Variants in COPA observed in about 807,000 individuals in gnomAD.
The protein encoded by COPA is coatomer subunit alpha.
A neutral mutation model predicts 158.7 loss-of-function variants in COPA; 10 were observed. The observed-to-expected ratio is 0.06, with a 90% confidence interval of 0.04 to 0.11. The LOEUF is 0.11. Ranked by LOEUF, COPA falls within the 10% of genes least tolerant of loss-of-function variation. COPA has a pLI of 1.00. For synonymous variants in COPA, 462 were observed against 542.8 expected, an observed-to-expected ratio of 0.85 and a Z score of 2.07; for missense variants, 1,065 against 1,536.7, an observed-to-expected ratio of 0.69 and a Z score of 5.13.
intron 3 of COPA, among the ~76,000 whole-genome samples, chr1:160,336,807 A>C (rs1647784676): frequency 6.6e-6 from 1 of 152,160 alleles, no homozygotes; most frequent in African/African-American, 2.4e-5. Context: ...AAATTATAAA[A>C]ATTTCATTTC....
At position 160,294,551 on chromosome 1, in the gene COPA, A is replaced by G; in HGVS notation, c.2609T>C (p.Leu870Pro). 1 of 1,614,208 alleles carries G rather than the reference A, an allele frequency of 6.2e-7. No individual in the cohort carries two copies. The highest frequency in any genetic ancestry group is 1.3e-5 in the African/African-American group (1 of 75,052). Reference sequence around the variant, plus strand: ...ACCTCCTTCTTCCTGTCCCTTGCCAAGAGCATCATCCCCCAAACCTTCTGT... The same window carrying G: ...ACCTCCTTCTTCCTGTCCCTTGCCAGGAGCATCATCCCCCAAACCTTCTGT... ...EATEGLGDDA[L>P]GKGQEEGGGW... Residue 870 changes from leucine to proline, a missense_variant, in exon 25 of 33, where the codon CTT (leucine) becomes CCT (proline). Leu to Pro is a moderately conservative substitution (Grantham distance 98). This residue lies in a region of COPA where 980 missense variants were observed against 1,357.8 expected (regional missense o/e 0.72). Transcript: ENST00000241704.
At chr1:160,312,954 T>G (rs1450872659) in intron 10 of COPA, 131 bp downstream of exon 10, 9 of 743,462 alleles carry the variant, frequency 1.2e-5, no homozygotes, top group South Asian at 4.0e-5. Context: ...AAGCTTCAAC[T>G]AAGTGGCTCT....
At chr1:160,292,987 GC>G (rs1658289560) in intron 27 of COPA, among the ~76,000 whole-genome samples, 178 bp downstream of exon 27, 1 of 152,140 alleles carries the variant, frequency 6.6e-6, no homozygotes, top group Non-Finnish European at 1.5e-5. Flanking sequence ...AGATTACTAG[GC>G]CAAGTGGAAG....
Position 160,313,137 on chromosome 1 carries a change from A to G in COPA, c.873T>C (p.His291=), listed in dbSNP as rs967404182. 1.9e-5 allele frequency: 30 copies of G among 1,614,066 alleles called. No individual in the cohort carries two copies. Among genetic ancestry groups the G allele is most frequent in the Non-Finnish European group, 2.5e-5 (29 of 1,180,020 alleles). ...RTGVQTFRRD[H]DRFWVLAAHP... ...GAGCAGCTAGGACCCAGAAACGATC[A>G]TGGTCTCTGCGGAAAGTCTGAACCC... The change falls in exon 10 of 33, where the codon CAT becomes CAC. Residue 291 remains histidine (H), a synonymous_variant. Coordinates refer to ENST00000241704, the MANE Select transcript of COPA (RefSeq NM_004371.4).
chr1:160,327,774 C>G (rs1384172628), intron 6 of COPA, among the ~76,000 whole-genome samples: 1 of 152,012 alleles, frequency 6.6e-6, no homozygotes, highest in African/African-American at 2.4e-5. Context: ...AGGAGAATCA[C>G]TTGAACCCGG....
At chr1:160,339,571 C>G (rs1238175265) in intron 3 of COPA, 2 of 190,142 alleles carry the variant, frequency 1.1e-5, no homozygotes, top group Non-Finnish European at 2.2e-5. Context: ...TGCACCTATA[C>G]TGCTCTTTCC....
At chr1:160,295,711 T>C in intron 23 of COPA, 25 bp downstream of exon 23, 2 of 1,577,682 alleles carry the variant, frequency 1.3e-6, no homozygotes, top group Non-Finnish European at 1.7e-6. Context: ...ACAACAAAAG[T>C]GCTATGGGAG....
At chr1:160,332,978 G>A (rs1049023516) in intron 5 of COPA, among the ~76,000 whole-genome samples, 2 of 152,158 alleles carry the variant, frequency 1.3e-5, no homozygotes, top group African/African-American at 4.8e-5. Context: ...AGGCTGGAGT[G>A]CAGTGGCGCA....
At chr1:160,336,685 G>C (rs1215864374) in intron 3 of COPA, among the ~76,000 whole-genome samples, 1 of 152,086 alleles carries the variant, frequency 6.6e-6, no homozygotes. Flanking sequence ...AAAAATAAGA[G>C]ACCAGATGCA....
rs934510215 is a variant in COPA, at chr1:160,332,373, T to G, written c.496+75A>C. The G allele has an allele frequency of 3.3e-6, 3 of 913,130 alleles. No individual in the cohort carries two copies. The Admixed American group carries it at 7.4e-5, about 22-fold the overall frequency. The allele number at this position is 913,130 out of a possible 1,614,324, so 56.6% of individuals were successfully genotyped here. A position where few individuals can be genotyped will look rare whatever the true frequency, so the allele number is the denominator to read the frequency against. ...CTAAATTTTCCAGTTCTAAGTCAAC[T>G]CTCCTCACTATTTTAAGCAATTGCA... is the stretch of plus-strand genomic sequence containing the variant. On this transcript the variant is annotated intron_variant, in intron 6 of 32. Coordinates refer to ENST00000241704, the MANE Select transcript of COPA (RefSeq NM_004371.4).
intron 1 of COPA, among the ~76,000 whole-genome samples, 186 bp downstream of exon 1, chr1:160,342,945 G>A (rs1648159447): frequency 6.6e-6 from 1 of 152,122 alleles, no homozygotes; most frequent in African/African-American, 2.4e-5. Context: ...GAAGCCCAAG[G>A]ACACACCAAA....
rs1286785243 is a variant in COPA at position 160,289,083 on chromosome 1, C to CCTCA, written c.*1070_*1073dup. 6.6e-6 allele frequency among the ~76,000 whole-genome samples: 1 copy of CCTCA among 152,042 alleles called. No individual in the cohort carries two copies. The highest frequency in any genetic ancestry group is 1.5e-5 in the Non-Finnish European group (1 of 68,018). On this transcript the variant is annotated 3_prime_UTR_variant, in exon 33 of 33. Coordinates refer to ENST00000241704, the MANE Select transcript of COPA (RefSeq NM_004371.4). ...CCTCCCGGGTTCAAGCAATCCTCTGCCTCAGCCTCCAGAGTAGCTGGGATT... is the reference window on the plus strand; with the variant it reads ...CCTCCCGGGTTCAAGCAATCCTCTGCCTCACTCAGCCTCCAGAGTAGCTGGGATT...
chr1:160,320,982 T>C (rs185438449), intron 8 of COPA, among the ~76,000 whole-genome samples: 24 of 152,258 alleles, frequency 1.6e-4, no homozygotes, highest in African/African-American at 5.8e-4. Flanking sequence ...TTCAATAGTA[T>C]ACTGATAAGA....
chr1:160,314,503 C>T (rs900845097), intron 8 of COPA, among the ~76,000 whole-genome samples: 8 of 152,184 alleles, frequency 5.3e-5, no homozygotes, highest in East Asian at 1.9e-4. Flanking sequence ...TTGTGGCGCA[C>T]GTTTGTAGTC....
chr1:160,296,137 T>A lies in COPA; in HGVS notation c.2276A>T (p.Tyr759Phe), dbSNP rs766436110. Residue 759 changes from tyrosine (Y) to phenylalanine (F), a missense_variant, in exon 22 of 33, where the codon TAT (tyrosine) becomes TTT (phenylalanine). Physicochemically the swap from Tyr to Phe is conservative, Grantham distance 22 (BLOSUM62 3). Transcript: ENST00000241704. ...TAAGCCATGGGTAGCAGCTGTGAGA[T>A]AGGCCAGGGACTCTGTAGAGAAAAC... ...LKNCGQKSLA[Y>F]LTAATHGLDE... 6.2e-7 allele frequency: 1 copy of A among 1,614,192 alleles called. No homozygotes were observed. The highest frequency in any genetic ancestry group is 8.5e-7 in the Non-Finnish European group (1 of 1,180,006).
At chr1:160,318,864 A>C (rs1325726033) in intron 8 of COPA, among the ~76,000 whole-genome samples, 1 of 152,090 alleles carries the variant, frequency 6.6e-6, no homozygotes, top group Non-Finnish European at 1.5e-5. Context: ...TACAGCACAA[A>C]AACTATTAAT....
At chr1:160,333,035 C>T (rs182666303) in intron 5 of COPA, among the ~76,000 whole-genome samples, 79 of 152,246 alleles carry the variant, frequency 5.2e-4, no homozygotes, top group African/African-American at 1.8e-3. Context: ...AGCGATTCTC[C>T]GCCTCAGCCT....
Position 160,297,382 on chromosome 1 carries a change from C to T in COPA, c.2224G>A (p.Val742Met). The change falls in exon 21 of 33, where the codon GTG (valine) becomes ATG (methionine). Residue 742 changes from valine to methionine, a missense_variant. By Grantham distance (21) the Val-to-Met change is conservative (BLOSUM62 1). This residue lies in a region of COPA where 980 missense variants were observed against 1,357.8 expected (regional missense o/e 0.72). Coordinates refer to ENST00000241704, the MANE Select transcript of COPA (RefSeq NM_004371.4). The part of the protein sequence containing the change: ...HYQNALYLGD[V>M]SERVRILKNC... ...TTCAGGATCCGCACACGCTCTGACA[C>T]ATCACCCAGGTATAGGGCATTCTGA... 1.9e-6 allele frequency: 3 copies of T among 1,614,208 alleles called. No homozygotes were observed. Among genetic ancestry groups the T allele is most frequent in the Admixed American group, 3.3e-5 (2 of 60,024 alleles).
At chr1:160,337,101 T>G (rs1647803959) in intron 3 of COPA, among the ~76,000 whole-genome samples, 1 of 152,184 alleles carries the variant, frequency 6.6e-6, no homozygotes, top group Non-Finnish European at 1.5e-5. Flanking sequence ...CCATAAACAC[T>G]ATTCTTTAAC....
Sources: allele counts gnomAD v4.1 joint callset (sites outside exome capture counted in the v4.1 genomes callset), GRCh38; gene constraint gnomAD v4.1.1; regional missense constraint gnomAD v4.1.1; transcripts MANE v1.5; gene names NCBI Gene and HGNC (gene_info 2026-07-23, HGNC 2026-07-21).